Variants in TRIOBP observed in about 807,000 individuals in gnomAD.
TRIOBP encodes the protein TRIO and F-actin-binding protein.
TRIOBP carries 169 observed loss-of-function variants against 238.8 expected under a neutral mutation model. The observed-to-expected ratio is 0.71, with a 90% CI of 0.62 to 0.80. The LOEUF is 0.80. Among genes scored for constraint, TRIOBP ranks in the 30% least tolerant of loss-of-function variants. The probability of loss-of-function intolerance (pLI) is 0.00; values close to 1 mark genes in which losing one functional copy is unlikely to be tolerated. For missense variants in TRIOBP, 2,838 were observed against 3,122.6 expected (o/e 0.91, Z 2.17); for synonymous variants, 1,150 against 1,274.4 (o/e 0.90, Z 2.08).
At chr22:37,715,304 T>TG (rs1923455543) in intron 5 of TRIOBP, among the ~76,000 whole-genome samples, 1 of 149,392 alleles carries the variant, frequency 6.7e-6, no homozygotes, top group African/African-American at 2.5e-5. Context: ...CGTGAGCCAC[T>TG]GCGCCCTGCA....
At chr22:37,707,763 G>A (rs1404987356) in intron 3 of TRIOBP, among the ~76,000 whole-genome samples, 2 of 150,746 alleles carry the variant, frequency 1.3e-5, no homozygotes, top group African/African-American at 4.9e-5. Flanking sequence ...CCAACATGGT[G>A]AAACCCCGTC....
intron 17 of TRIOBP, among the ~76,000 whole-genome samples, chr22:37,764,008 C>G (rs1368260055): frequency 2.0e-5 from 3 of 152,224 alleles, no homozygotes; most frequent in African/African-American, 7.2e-5. Flanking sequence ...CTTCTCCTGC[C>G]ACGTCACTCT....
chr22:37,760,997 AAAG>A (rs537368926), intron 17 of TRIOBP, among the ~76,000 whole-genome samples: 185 of 152,008 alleles, frequency 1.2e-3, no homozygotes, highest in African/African-American at 4.0e-3. Context: ...AAAGAAAAGA[AAAG>A]AAGGCTGAGA....
rs555316009 is a variant in TRIOBP, at chr22:37,724,855, A to G, written c.2299A>G (p.Asn767Asp). 1.2e-6 allele frequency: 2 copies of G among 1,613,116 alleles called. No homozygotes were observed. Among genetic ancestry groups the G allele is most frequent in the South Asian group, 2.2e-5 (2 of 91,040 alleles). Residue 767 changes from asparagine to aspartate, a missense_variant, in exon 7 of 24, where the codon AAC becomes GAC. Asn to Asp is a conservative substitution (Grantham distance 23). Around this residue, in one of 5 missense-constraint regions of TRIOBP, gnomAD observed 2,096 missense variants for 2,137.4 expected, o/e 0.98. Coordinates refer to ENST00000644935, the MANE Select transcript of TRIOBP (RefSeq NM_001039141.3). The part of the protein sequence containing the change: ...SSPNRTIQQE[N>D]LRTSCTRQDN... ...TCCTAACAGAACCATCCAACAAGAG[A>G]ACCTCAGAACATCCTGTACCCGACA...
intron 14 of TRIOBP, 74 bp downstream of exon 14, chr22:37,755,264 G>A: frequency 6.9e-7 from 1 of 1,449,438 alleles, no homozygotes; most frequent in Non-Finnish European, 9.5e-7. Context: ...TTTTGGTGTT[G>A]AACATGGCTC....
At chr22:37,762,399 G>C (rs1394610840) in intron 17 of TRIOBP, among the ~76,000 whole-genome samples, 1 of 152,220 alleles carries the variant, frequency 6.6e-6, no homozygotes, top group East Asian at 1.9e-4. Context: ...GCCAGCTTTA[G>C]ATTTCCTTTA....
At chr22:37,752,417 A>T (rs535287745) in intron 12 of TRIOBP, among the ~76,000 whole-genome samples, 3 of 152,136 alleles carry the variant, frequency 2.0e-5, no homozygotes, top group Non-Finnish European at 4.4e-5. Flanking sequence ...CCTCTGGCAT[A>T]TGTGTCCTTG....
chr22:37,758,737 C>T (rs1926082865), intron 16 of TRIOBP, among the ~76,000 whole-genome samples: 1 of 151,812 alleles, frequency 6.6e-6, no homozygotes, highest in Non-Finnish European at 1.5e-5. Flanking sequence ...CATCTTCTGC[C>T]CGTGGCCTCC....
chr22:37,718,878 G>C (rs1265665724), intron 6 of TRIOBP, among the ~76,000 whole-genome samples: 2 of 121,094 alleles, frequency 1.7e-5, no homozygotes, highest in African/African-American at 6.5e-5. Context: ...ATGGAGTCTT[G>C]CTCTGTTCCC....
intron 3 of TRIOBP, among the ~76,000 whole-genome samples, chr22:37,709,483 C>T (rs1029659397): frequency 7.9e-5 from 12 of 152,218 alleles, no homozygotes; most frequent in East Asian, 1.9e-4. Flanking sequence ...AGCCCGGAGT[C>T]GGGGCCTGGG....
intron 15 of TRIOBP, among the ~76,000 whole-genome samples, chr22:37,756,539 T>G (rs188453086): frequency 2.8e-4 from 43 of 152,342 alleles, no homozygotes; most frequent in Non-Finnish European, 2.5e-4. Flanking sequence ...GCAGTTGGAC[T>G]GTTATTTAGC....
chr22:37,732,159 G>A (rs888301978), intron 7 of TRIOBP, among the ~76,000 whole-genome samples: 6 of 152,208 alleles, frequency 3.9e-5, no homozygotes, highest in African/African-American at 1.2e-4. Context: ...CCCTTAGGTA[G>A]AGGAAGGGAG....
intron 3 of TRIOBP, among the ~76,000 whole-genome samples, chr22:37,708,748 G>A (rs1056762268): frequency 3.3e-5 from 5 of 152,168 alleles, no homozygotes; most frequent in Admixed American, 6.5e-5. Context: ...GGAAGTCATC[G>A]GCCTGAGGTC....
At chr22:37,735,713 G>A (rs1422811978) in intron 9 of TRIOBP, among the ~76,000 whole-genome samples, 2 of 152,244 alleles carry the variant, frequency 1.3e-5, no homozygotes, top group African/African-American at 2.4e-5. Flanking sequence ...GCAACCAGGT[G>A]AGAAATACAC....
At chr22:37,761,320 G>C (rs1249664162) in intron 17 of TRIOBP, among the ~76,000 whole-genome samples, 1 of 152,014 alleles carries the variant, frequency 6.6e-6, no homozygotes, top group African/African-American at 2.4e-5. Flanking sequence ...AGGGCATGGT[G>C]GTGGGCGCCT....
intron 17 of TRIOBP, chr22:37,759,717 T>A: frequency 6.8e-7 from 1 of 1,480,674 alleles, no homozygotes; most frequent in East Asian, 2.5e-5. Flanking sequence ...GAGCCTCCAG[T>A]AGCCCTCAGA....
At chr22:37,719,994 CCCG>C (rs1242396982) in intron 6 of TRIOBP, among the ~76,000 whole-genome samples, 5 of 12,668 alleles carry the variant, frequency 3.9e-4, no homozygotes, top group Non-Finnish European at 1.6e-3. Flanking sequence ...CTCATCCCCC[CCCG>C]CCCTTTTTTT....
chr22:37,732,048 T>C (rs1158858541), intron 7 of TRIOBP, among the ~76,000 whole-genome samples: 1 of 152,256 alleles, frequency 6.6e-6, no homozygotes, highest in Non-Finnish European at 1.5e-5. Context: ...TTCAGGCTTC[T>C]CTTCCTGGTT....
At chr22:37,707,040 G>A (rs1205433079) in intron 3 of TRIOBP, among the ~76,000 whole-genome samples, 1 of 152,134 alleles carries the variant, frequency 6.6e-6, no homozygotes, top group East Asian at 1.9e-4. Flanking sequence ...GGCCGAGGCG[G>A]GTGGATCACT....
Sources: gnomAD v4.1 joint callset for allele counts (sites outside exome capture counted in the v4.1 genomes callset) on GRCh38, gnomAD v4.1.1 for gene constraint, gnomAD v4.1.1 regional missense constraint, MANE v1.5 for transcripts, NCBI Gene and HGNC (gene_info 2026-07-23, HGNC 2026-07-21) for gene names.